The following ANHX variants were observed in gnomAD, a reference collection of about 807,000 sequenced individuals.
The protein encoded by ANHX is anomalous homeobox protein.
Under a neutral mutation model 38.9 loss-of-function variants are expected in ANHX, and 20 were observed. The observed-to-expected ratio is 0.51, with a 90% CI of 0.36 to 0.75. The LOEUF (loss-of-function observed/expected upper bound fraction) is 0.75. Ranked by LOEUF, ANHX falls within the 30% of genes least tolerant of loss-of-function variation. The pLI, the probability that ANHX is intolerant of heterozygous loss-of-function variation, is 0.00. For synonymous variants in ANHX, 185 were observed against 203.1 expected (o/e 0.91, Z 0.76); for missense variants, 475 against 493.1 (o/e 0.96, Z 0.35).
At chr12:133,220,269 G>A (rs1029215021) in intron 8 of ANHX, among the ~76,000 whole-genome samples, 1 of 152,182 alleles carries the variant, frequency 6.6e-6, no homozygotes, top group African/African-American at 2.4e-5. Context: ...TTGAAGCATG[G>A]CCTTCAGATC....
At chr12:133,226,472 G>A in intron 5 of ANHX, 34 bp from the exon 6 acceptor site, 1 of 1,514,436 alleles carries the variant, frequency 6.6e-7, no homozygotes, top group Non-Finnish European at 8.8e-7. Flanking sequence ...GAGACTTAGT[G>A]AGGCTCTGGT....
chr12:133,220,904 G>T (rs978857446), intron 8 of ANHX, among the ~76,000 whole-genome samples: 6 of 152,220 alleles, frequency 3.9e-5, no homozygotes, highest in Non-Finnish European at 8.8e-5. Flanking sequence ...GAAACTGACA[G>T]TGTTTGTTCA....
At chr12:133,224,755 G>A (rs1237573058) in intron 7 of ANHX, among the ~76,000 whole-genome samples, 1 of 151,010 alleles carries the variant, frequency 6.6e-6, no homozygotes, top group Non-Finnish European at 1.5e-5. Flanking sequence ...CATGAGGTCA[G>A]GAGATCAAGA....
intron 7 of ANHX, among the ~76,000 whole-genome samples, chr12:133,225,300 G>C (rs939756833): frequency 6.6e-6 from 1 of 150,522 alleles, no homozygotes; most frequent in Non-Finnish European, 1.5e-5. Context: ...TTCCTCTTCA[G>C]TGATATGCAT....
At chr12:133,224,694 G>A (rs545410950) in intron 7 of ANHX, among the ~76,000 whole-genome samples, 72 of 147,852 alleles carry the variant, frequency 4.9e-4, no homozygotes, top group African/African-American at 1.5e-3. Flanking sequence ...TGCTGGGCGT[G>A]GTGGCTCACG....
At chr12:133,223,960 G>A (rs1285868243) in intron 7 of ANHX, among the ~76,000 whole-genome samples, 1 of 152,124 alleles carries the variant, frequency 6.6e-6, no homozygotes, top group African/African-American at 2.4e-5. Flanking sequence ...CAAACTTGAA[G>A]ACAGATTAAA....
At chr12:133,232,393 C>T (rs1018326817) in intron 2 of ANHX, among the ~76,000 whole-genome samples, 4 of 152,170 alleles carry the variant, frequency 2.6e-5, no homozygotes, top group African/African-American at 7.2e-5. Context: ...ACCATCCTGG[C>T]GAGGGAGGTG....
Position 133,226,339 on chromosome 12 carries a change from A to G in ANHX, c.818T>C (p.Val273Ala). The G allele has an allele frequency of 6.5e-7, 1 of 1,536,196 alleles. No homozygotes were observed. Among genetic ancestry groups the G allele is most frequent in the South Asian group, 1.2e-5 (1 of 84,064 alleles). Reference sequence around the variant, plus strand: ...GTACCTGACATCCAGTGGCTTTGAGACTGTCTCATCTGCGGGAAAGTCCGG... The same window carrying G: ...GTACCTGACATCCAGTGGCTTTGAGGCTGTCTCATCTGCGGGAAAGTCCGG... ...LAPDFPADETVSKPLDVRSLP... is the reference protein window; with the variant it reads ...LAPDFPADETASKPLDVRSLP... The change falls in exon 6 of 10, where the codon GTC (valine) becomes GCC (alanine). Residue 273 changes from valine to alanine, a missense_variant. Val to Ala is a moderately conservative substitution (Grantham distance 64, BLOSUM62 0). Transcript: ENST00000545940.
At chr12:133,228,621 C>T (rs138554711) in intron 3 of ANHX, among the ~76,000 whole-genome samples, 22 of 152,200 alleles carry the variant, frequency 1.4e-4, no homozygotes, top group African/African-American at 5.1e-4. Flanking sequence ...GAAGCACCAC[C>T]TGTGCCCCCA....
Position 133,221,696 on chromosome 12 carries a change from C to T in ANHX, c.1133-344G>A, listed in dbSNP as rs1957110730. Among the ~76,000 whole-genome samples, 1 of 152,180 alleles carries T rather than the reference C, an allele frequency of 6.6e-6. No individual in the cohort carries two copies. The highest frequency in any genetic ancestry group is 6.5e-5 in the Admixed American group (1 of 15,274). ...GGTGCGGAAGGATGTGCCAGGAGCC[C>T]TCAGTCTCCTCTTGTGGCTGGTTCA... On this transcript the variant is annotated intron_variant, in intron 7 of 9. Transcript: ENST00000545940. The surrounding 1 kb of genome is among the most constrained non-coding windows in gnomAD (Gnocchi z 4.1).
intron 1 of ANHX, 62 bp from the exon 2 acceptor site, chr12:133,234,440 C>A: frequency 1.4e-6 from 2 of 1,474,590 alleles, no homozygotes; most frequent in Non-Finnish European, 1.8e-6. Flanking sequence ...GTCAGTCAAT[C>A]GCCCAACCCA....
intron 3 of ANHX, 59 bp from the exon 4 acceptor site, chr12:133,228,006 C>CT (rs1957213619): frequency 3.9e-6 from 6 of 1,525,602 alleles, no homozygotes; most frequent in South Asian, 2.4e-5. Context: ...CTGTTCCCTT[C>CT]TCCAGGCCTG....
At chr12:133,224,543 G>A (rs1401647509) in intron 7 of ANHX, among the ~76,000 whole-genome samples, 1 of 150,998 alleles carries the variant, frequency 6.6e-6, no homozygotes, top group South Asian at 2.1e-4. Context: ...GGTGCCTGTA[G>A]TTCTACCTAC....
chr12:133,227,393 C>T (rs963123800), intron 4 of ANHX, among the ~76,000 whole-genome samples: 1 of 152,230 alleles, frequency 6.6e-6, no homozygotes, highest in Admixed American at 6.5e-5. Context: ...CACATGTGCA[C>T]GTCCCCCTGA....
rs1159892896 is a variant in ANHX, at chr12:133,234,151, A to G, written c.206T>C (p.Leu69Pro). Residue 69 changes from leucine to proline, a missense_variant, in exon 2 of 10, where the codon CTG becomes CCG. Leu to Pro is a moderately conservative substitution (Grantham distance 98). Coordinates refer to ENST00000545940, the MANE Select transcript of ANHX (RefSeq NM_001372060.1). ...ADVALACARV[L>P]DQQEQQQAAC... ...CGCCTGCTGCTGCTCCTGCTGGTCC[A>G]GGACACGGGCGCACGCCAGGGCCAC... The G allele has an allele frequency of 6.5e-7, 1 of 1,536,080 alleles. No individual in the cohort carries two copies.
At chr12:133,224,964 A>G (rs1248354644) in intron 7 of ANHX, among the ~76,000 whole-genome samples, 1 of 126,266 alleles carries the variant, frequency 7.9e-6, no homozygotes, top group African/African-American at 3.0e-5. Flanking sequence ...CTCCGTCTCA[A>G]AAAAAAAAAA....
rs1957274779 is a variant in ANHX at position 133,231,503 on chromosome 12, T to C, written c.377+14A>G. The C allele has an allele frequency of 6.5e-7, 1 of 1,536,072 alleles. No individual in the cohort carries two copies. Among genetic ancestry groups the C allele is most frequent in the Non-Finnish European group, 8.7e-7 (1 of 1,146,880 alleles). On this transcript the variant is annotated intron_variant, in intron 3 of 9. Transcript: ENST00000545940. ...TCCCCATGAAATATGCACAAGTAAA[T>C]GCTTGTAGGTTACCTCTTCCTGCAG... is the stretch of plus-strand genomic sequence containing the variant.
chr12:133,219,566 G>C (rs1957080586), intron 8 of ANHX, among the ~76,000 whole-genome samples, 199 bp from the exon 9 acceptor site: 1 of 152,156 alleles, frequency 6.6e-6, no homozygotes, highest in African/African-American at 2.4e-5. Flanking sequence ...AGGGTCACCC[G>C]GTGGGTCATA....
At chr12:133,226,789 C>T in intron 5 of ANHX, 147 bp downstream of exon 5, 1 of 839,870 alleles carries the variant, frequency 1.2e-6, no homozygotes, top group South Asian at 2.0e-5. Flanking sequence ...GACCTCGGAC[C>T]CTGTGATCTT....
Sources: gnomAD v4.1 joint callset for allele counts (sites outside exome capture counted in the v4.1 genomes callset) on GRCh38, gnomAD v4.1.1 for gene constraint, Gnocchi (gnomAD v3.1) non-coding constraint, MANE v1.5 for transcripts, NCBI Gene and HGNC (gene_info 2026-07-23, HGNC 2026-07-21) for gene names.